CAMK1D: variants seen among roughly 807,000 people sequenced by gnomAD.
The protein encoded by CAMK1D is calcium/calmodulin-dependent protein kinase type 1D.
A neutral mutation model predicts 47.7 loss-of-function variants in CAMK1D; 9 were observed. That is an observed-to-expected ratio of 0.19 (90% CI 0.11 to 0.33). CAMK1D has a LOEUF of 0.33. Among genes scored for constraint, CAMK1D ranks in the 10% least tolerant of loss-of-function variants. The probability of loss-of-function intolerance (pLI) is 1.00; values close to 1 mark genes in which losing one functional copy is unlikely to be tolerated. For synonymous variants in CAMK1D, 184 were observed against 184.9 expected, an observed-to-expected ratio of 0.99 and a Z score of 0.04; for missense variants, 291 against 488.7, an observed-to-expected ratio of 0.60 and a Z score of 3.81.
At position 12,528,786 on chromosome 10, in the gene CAMK1D, G is replaced by A. The variant is rs141471114; in HGVS notation, c.93-24439G>A. ...AGTCAGGGTTCCTTTCTGTCACCCC[G>A]GCTGGATTGCAGTGATATGATCATG... On this transcript the variant is annotated intron_variant, in intron 1 of 10. Coordinates refer to ENST00000619168, the MANE Select transcript of CAMK1D (RefSeq NM_153498.4). 9.7e-3 allele frequency among the ~76,000 whole-genome samples: 1,384 copies of A among 143,172 alleles called. 8 individuals carry two copies. The highest frequency in any genetic ancestry group is 0.029 in the South Asian group (125 of 4,312). 93.9% of individuals were successfully genotyped at this position (143,172 alleles called of 152,430 possible). A position where few individuals can be genotyped will look rare whatever the true frequency, so the allele number is the denominator to read the frequency against.
At chr10:12,779,735 A>T (rs1173504268) in intron 5 of CAMK1D, among the ~76,000 whole-genome samples, 1 of 150,760 alleles carries the variant, frequency 6.6e-6, no homozygotes, top group Non-Finnish European at 1.5e-5. Context: ...CTAGTTGAGA[A>T]TTTTTTTTTT....
At chr10:12,790,542 A>T (rs527942332) in intron 5 of CAMK1D, among the ~76,000 whole-genome samples, 68 of 152,280 alleles carry the variant, frequency 4.5e-4, no homozygotes, top group African/African-American at 1.6e-3. Flanking sequence ...ACTGCCATAA[A>T]ATAGCCATGT....
At position 12,728,243 on chromosome 10, in the gene CAMK1D, T is replaced by G. The variant is rs559758023; in HGVS notation, c.300-32705T>G. ...TAGCAGCTTTGCATTTTTGTTCGATTAAAGATATAAGAAGATGCTGCATGT... is the reference window on the plus strand; with the variant it reads ...TAGCAGCTTTGCATTTTTGTTCGATGAAAGATATAAGAAGATGCTGCATGT... On this transcript the variant is annotated intron_variant, in intron 3 of 10. Transcript: ENST00000619168. 1.9e-4 allele frequency among the ~76,000 whole-genome samples: 29 copies of G among 152,322 alleles called. No individual in the cohort carries two copies. The South Asian group carries it at 6.0e-3, about 32-fold the overall frequency.
At chr10:12,827,420 T>TTCCTTCCTTCC (rs1833271684) in intron 10 of CAMK1D, among the ~76,000 whole-genome samples, 1 of 11,996 alleles carries the variant, frequency 8.3e-5, no homozygotes, top group African/African-American at 3.1e-4. Context: ...TCTCTCTTTC[T>TTCCTTCCTTCC]TTCCTTCCTT....
At chr10:12,642,877 A>G (rs1367179734) in intron 2 of CAMK1D, among the ~76,000 whole-genome samples, 2 of 152,210 alleles carry the variant, frequency 1.3e-5, no homozygotes, top group Non-Finnish European at 2.9e-5. Flanking sequence ...AAATATATGT[A>G]AAAATGATGA....
chr10:12,500,648 T>C (rs1485772246), intron 1 of CAMK1D, among the ~76,000 whole-genome samples: 1 of 152,250 alleles, frequency 6.6e-6, no homozygotes, highest in Non-Finnish European at 1.5e-5. Flanking sequence ...GACGAGTTGC[T>C]GAACCTTTCT....
chr10:12,798,884 A>G (rs1367144007), intron 6 of CAMK1D, among the ~76,000 whole-genome samples: 1 of 152,130 alleles, frequency 6.6e-6, no homozygotes, highest in Non-Finnish European at 1.5e-5. Flanking sequence ...TTATGGTTTT[A>G]TATATGTATT....
At chr10:12,703,373 G>T (rs903283406) in intron 3 of CAMK1D, among the ~76,000 whole-genome samples, 3 of 152,132 alleles carry the variant, frequency 2.0e-5, no homozygotes, top group Admixed American at 6.5e-5. Context: ...GGTCTCACTC[G>T]CAGGGCTCGG....
In CAMK1D at chr10:12,614,313, TTTG is replaced by T. The variant is rs568343843; in HGVS notation, c.225-52412_225-52410del. 3.0e-4 allele frequency among the ~76,000 whole-genome samples: 46 copies of T among 152,348 alleles called. No individual in the cohort carries two copies. In the East Asian group the frequency reaches 7.9e-3, roughly 26 times the overall value. ...CTTGGTGTTGTCATTATGCCCTAGC[TTTG>T]TTGTTGTTGTGTGCACATGTAATCC... On this transcript the variant is annotated intron_variant, in intron 2 of 10. Coordinates refer to ENST00000619168, the MANE Select transcript of CAMK1D (RefSeq NM_153498.4).
chr10:12,730,291 C>T (rs1172575422), intron 3 of CAMK1D, among the ~76,000 whole-genome samples: 1 of 152,030 alleles, frequency 6.6e-6, no homozygotes, highest in Non-Finnish European at 1.5e-5. Context: ...ACAGAGGGGT[C>T]AAAGGTGATG....
chr10:12,443,723 G>A (rs1430342139), intron 1 of CAMK1D, among the ~76,000 whole-genome samples: 2 of 152,054 alleles, frequency 1.3e-5, no homozygotes, highest in African/African-American at 4.8e-5. Flanking sequence ...TCCGCTCCCC[G>A]GGTTCAAGCG....
At chr10:12,621,937 C>T (rs2132440784) in intron 2 of CAMK1D, among the ~76,000 whole-genome samples, 1 of 152,294 alleles carries the variant, frequency 6.6e-6, no homozygotes, top group South Asian at 2.1e-4. Flanking sequence ...TTGTTACTGC[C>T]AGGTGGAGTG....
chr10:12,362,684 T>C (rs1265766282), intron 1 of CAMK1D, among the ~76,000 whole-genome samples: 1 of 152,050 alleles, frequency 6.6e-6, no homozygotes, highest in East Asian at 1.9e-4. Flanking sequence ...TTTATTTTTT[T>C]TATTTTTAGT....
intron 3 of CAMK1D, among the ~76,000 whole-genome samples, chr10:12,702,941 A>G (rs1050624513): frequency 5.9e-5 from 9 of 152,260 alleles, no homozygotes; most frequent in Non-Finnish European, 1.2e-4. Context: ...TAATGCCAGT[A>G]ACTGGGACCA....
chr10:12,463,676 G>A (rs907815046), intron 1 of CAMK1D, among the ~76,000 whole-genome samples: 1 of 151,580 alleles, frequency 6.6e-6, no homozygotes, highest in Admixed American at 6.6e-5. Flanking sequence ...CTCACCTCTC[G>A]GTGAGTTGAA....
intron 1 of CAMK1D, among the ~76,000 whole-genome samples, chr10:12,354,087 G>A (rs556506019): frequency 1.1e-4 from 16 of 152,264 alleles, no homozygotes; most frequent in South Asian, 4.2e-4. Flanking sequence ...TACTTGGCAC[G>A]TGGCAGAATG....
intron 3 of CAMK1D, among the ~76,000 whole-genome samples, chr10:12,747,207 T>A (rs1181128460): frequency 6.6e-6 from 1 of 152,062 alleles, no homozygotes; most frequent in African/African-American, 2.4e-5. Context: ...AATTTTTGTA[T>A]TTTTAGTAGA....
At chr10:12,795,042 A>C (rs1292489945) in intron 6 of CAMK1D, among the ~76,000 whole-genome samples, 1 of 152,176 alleles carries the variant, frequency 6.6e-6, no homozygotes, top group Admixed American at 6.5e-5. Context: ...GGTTGTTGAC[A>C]CTAAGAATGA....
In CAMK1D at chr10:12,706,402, A is replaced by C. The variant is rs570351951; in HGVS notation, c.299+39592A>C. 1.4e-4 allele frequency among the ~76,000 whole-genome samples: 21 copies of C among 152,326 alleles called. No homozygotes were observed. The East Asian group carries it at 4.0e-3, about 29-fold the overall frequency. On this transcript the variant is annotated intron_variant, in intron 3 of 10. Coordinates refer to ENST00000619168, the MANE Select transcript of CAMK1D (RefSeq NM_153498.4). ...CTGAAATTCAGTACCACAGCACAGC[A>C]GTGTAGATGGAGATAGAATGTGGAA...
Sources: gnomAD v4.1 joint callset for allele counts (sites outside exome capture counted in the v4.1 genomes callset) on GRCh38, gnomAD v4.1.1 for gene constraint, MANE v1.5 for transcripts, NCBI Gene and HGNC (gene_info 2026-07-23, HGNC 2026-07-21) for gene names.